The following TUBA1C variants were observed in gnomAD, a reference collection of about 807,000 sequenced individuals.
The protein encoded by TUBA1C is tubulin alpha-1C chain.
A neutral mutation model predicts 34.9 loss-of-function variants in TUBA1C; 16 were observed. The ratio of observed to expected loss-of-function variants is 0.46; its 90% confidence interval spans 0.31 to 0.70. The LOEUF is 0.70. Ranked by LOEUF, TUBA1C falls within the 30% of genes least tolerant of loss-of-function variation. The pLI is 0.05. For synonymous variants in TUBA1C, 177 were observed against 215.9 expected (o/e 0.82, Z 1.58); for missense variants, 329 against 587.3 (o/e 0.56, Z 4.55).
chr12:49,261,804 T>G (rs377456290), upstream of TUBA1C, among the ~76,000 whole-genome samples: 1 of 152,244 alleles, frequency 6.6e-6, no homozygotes. Flanking sequence ...TTTGTGAACA[T>G]GCTATATGGT....
chr12:49,249,359 G>A (rs564579254), intron 1 of TUBA1C, among the ~76,000 whole-genome samples: 3 of 152,198 alleles, frequency 2.0e-5, no homozygotes, highest in Admixed American at 6.6e-5. Flanking sequence ...CCCGGGAGGC[G>A]GAGGTTGTGG....
intron 1 of TUBA1C, among the ~76,000 whole-genome samples, chr12:49,228,337 T>C (rs1182387914): frequency 2.6e-5 from 4 of 152,226 alleles, no homozygotes; most frequent in African/African-American, 9.6e-5. Context: ...CTTTTTATTA[T>C]AAGGCTTATT....
At chr12:49,243,103 C>T (rs544281540) in intron 1 of TUBA1C, among the ~76,000 whole-genome samples, 2 of 152,138 alleles carry the variant, frequency 1.3e-5, no homozygotes, top group African/African-American at 4.8e-5. Flanking sequence ...CCACCGTGCC[C>T]GGTCGTGACT....
chr12:49,246,770 C>A (rs964252287), intron 1 of TUBA1C, among the ~76,000 whole-genome samples: 1 of 152,186 alleles, frequency 6.6e-6, no homozygotes, highest in African/African-American at 2.4e-5. Context: ...TATGGCATTT[C>A]AGGACAATTT....
intron 1 of TUBA1C, among the ~76,000 whole-genome samples, chr12:49,244,950 T>C (rs1467793907): frequency 2.0e-5 from 3 of 152,096 alleles, no homozygotes; most frequent in African/African-American, 7.2e-5. Context: ...ATTTTAGCTA[T>C]TTAACAGAAA....
chr12:49,236,809 C>T (rs1358144084), intron 1 of TUBA1C, among the ~76,000 whole-genome samples: 2 of 152,102 alleles, frequency 1.3e-5, no homozygotes, highest in Non-Finnish European at 2.9e-5. Flanking sequence ...AATTATAACA[C>T]CATGATAAGT....
At chr12:49,265,207 TG>T in intron 1 of TUBA1C, 23 bp downstream of exon 1, 3 of 1,588,454 alleles carry the variant, frequency 1.9e-6, no homozygotes, top group East Asian at 2.3e-5. Context: ...CCCTCGGGGC[TG>T]GGGAAGAGTG....
chr12:49,236,254 T>C (rs1942554188), intron 1 of TUBA1C, among the ~76,000 whole-genome samples: 1 of 152,226 alleles, frequency 6.6e-6, no homozygotes, highest in Admixed American at 6.5e-5. Context: ...ATACATATAC[T>C]TCAGCATGAG....
At position 49,273,249 on chromosome 12, in the gene TUBA1C, C is replaced by T. The variant is rs1416614435; in HGVS notation, c.*22C>T. On this transcript the variant is annotated 3_prime_UTR_variant, in exon 4 of 4. Transcript: ENST00000301072. ...TTAACCTGTGTGCTGTACTTTTACA[C>T]TCCTTTGTCTTGGAACTGTCTTATT... 1.2e-6 allele frequency: 2 copies of T among 1,614,066 alleles called. No individual in the cohort carries two copies. Among genetic ancestry groups the T allele is most frequent in the Admixed American group, 1.7e-5 (1 of 59,986 alleles).
At position 49,265,144 on chromosome 12, in the gene TUBA1C, G is replaced by C; in HGVS notation, c.-38G>C. Reference sequence around the variant, plus strand: ...GGGAGATCCTTGTTGCCGTCCCTTCGCCTCCTTCACCGCCGCAGACCCCTT... The same window carrying C: ...GGGAGATCCTTGTTGCCGTCCCTTCCCCTCCTTCACCGCCGCAGACCCCTT... On this transcript the variant is annotated 5_prime_UTR_variant, in exon 1 of 4. Transcript: ENST00000301072. 6.3e-7 allele frequency: 1 copy of C among 1,595,748 alleles called. No individual in the cohort carries two copies. Among genetic ancestry groups the C allele is most frequent in the East Asian group, 2.2e-5 (1 of 44,464 alleles).
At chr12:49,264,550 T>C (rs1942874414), upstream of TUBA1C, 1 of 151,966 alleles carries the variant, frequency 6.6e-6, no homozygotes, top group Admixed American at 6.6e-5. Context: ...GGTCCCGGCG[T>C]CGGCGCCTCC....
chr12:49,231,789 T>C (rs1036969104), intron 1 of TUBA1C, among the ~76,000 whole-genome samples: 1 of 152,084 alleles, frequency 6.6e-6, no homozygotes, highest in African/African-American at 2.4e-5. Flanking sequence ...CCTCAATTGA[T>C]CCTCCCATCT....
chr12:49,229,341 T>C (rs1592270217), intron 1 of TUBA1C, among the ~76,000 whole-genome samples: 1 of 151,994 alleles, frequency 6.6e-6, no homozygotes, highest in Non-Finnish European at 1.5e-5. Context: ...CCCAGCTAAT[T>C]TTTGTATTTT....
intron 1 of TUBA1C, among the ~76,000 whole-genome samples, chr12:49,252,055 A>AT (rs1363978609): frequency 6.6e-6 from 1 of 152,188 alleles, no homozygotes; most frequent in East Asian, 1.9e-4. Flanking sequence ...CAGCTGGTGA[A>AT]TGGGTAAATA....
upstream of TUBA1C, among the ~76,000 whole-genome samples, chr12:49,260,605 A>T (rs138777620): frequency 1.5e-4 from 23 of 152,378 alleles, 1 homozygote; most frequent in African/African-American, 5.0e-4. Context: ...AATAAATAAA[A>T]GTTAAAGGAT....
rs1485036284 is a variant in TUBA1C at position 49,272,690 on chromosome 12, A to G, written c.813A>G (p.Thr271=). 1 of 1,612,254 alleles carries G rather than the reference A, an allele frequency of 6.2e-7. No individual in the cohort carries two copies. The highest frequency in any genetic ancestry group is 8.5e-7 in the Non-Finnish European group (1 of 1,179,830). The change falls in exon 4 of 4, where the codon ACA becomes ACG. Residue 271 remains threonine (T), a synonymous_variant. Transcript: ENST00000301072. ...PYPRIHFPLA[T]YAPVISAEKA... ...CCCGCATCCACTTCCCTCTGGCCAC[A>G]TATGCCCCTGTCATCTCTGCTGAGA...
rs1272527129 is a variant in TUBA1C, at chr12:49,273,267, G to A, written c.*40G>A. 2 of 1,614,078 alleles carry A rather than the reference G, an allele frequency of 1.2e-6. No individual in the cohort carries two copies. The highest frequency in any genetic ancestry group is 2.2e-5 in the South Asian group (2 of 91,062). On this transcript the variant is annotated 3_prime_UTR_variant, in exon 4 of 4. Coordinates refer to ENST00000301072, the MANE Select transcript of TUBA1C (RefSeq NM_032704.5). ...TTTTACACTCCTTTGTCTTGGAACTGTCTTATTTTTGTTCTGTAAATGTCT... is the reference window on the plus strand; with the variant it reads ...TTTTACACTCCTTTGTCTTGGAACTATCTTATTTTTGTTCTGTAAATGTCT...
chr12:49,248,562 GA>G (rs377471762), intron 1 of TUBA1C, among the ~76,000 whole-genome samples: 8,040 of 124,496 alleles, frequency 0.065, 266 homozygotes, highest in East Asian at 0.16. Context: ...CTCTGTCTCA[GA>G]AAAAAAAAAA....
At chr12:49,234,243 T>A (rs1942526774) in intron 1 of TUBA1C, 1 of 152,246 alleles carries the variant, frequency 6.6e-6, no homozygotes, top group African/African-American at 2.4e-5. Flanking sequence ...CTGCTTTTAA[T>A]ATGTTGTAAA....
Sources: allele counts gnomAD v4.1 joint callset (sites outside exome capture counted in the v4.1 genomes callset), GRCh38; gene constraint gnomAD v4.1.1; transcripts MANE v1.5; gene names NCBI Gene and HGNC (gene_info 2026-07-23, HGNC 2026-07-21).